Variants in MAP3K8 observed in about 807,000 individuals in gnomAD.
MAP3K8 encodes the protein Ewing sarcoma transformant.
MAP3K8 carries 22 observed loss-of-function variants against 45.8 expected under a neutral mutation model. The ratio of observed to expected loss-of-function variants is 0.48; its 90% CI spans 0.34 to 0.69. The LOEUF is 0.69. MAP3K8 is among the 30% of genes least tolerant of loss of function. The pLI, the probability that MAP3K8 is intolerant of heterozygous loss-of-function variation, is 0.01. For missense variants in MAP3K8, 419 were observed against 585.0 expected, an observed-to-expected ratio of 0.72 and a Z score of 2.93; for synonymous variants, 223 against 214.3, an observed-to-expected ratio of 1.04 and a Z score of -0.36.
intron 3 of MAP3K8, among the ~76,000 whole-genome samples, chr10:30,443,185 T>C (rs1326293837): frequency 1.3e-5 from 2 of 150,548 alleles, no homozygotes; most frequent in Non-Finnish European, 2.9e-5. Flanking sequence ...AGCTCTGAAA[T>C]GGATTGGCTG....
intron 3 of MAP3K8, among the ~76,000 whole-genome samples, chr10:30,439,808 CAACAACAACAA>C (rs1836039654): frequency 6.6e-6 from 1 of 152,130 alleles, no homozygotes; most frequent in African/African-American, 2.4e-5. Context: ...GACTCTGTCT[CAACAACAACAA>C]AGAAGAATGT....
intron 1 of MAP3K8, among the ~76,000 whole-genome samples, chr10:30,434,999 G>T (rs1425705600): frequency 6.6e-6 from 1 of 151,828 alleles, no homozygotes; most frequent in African/African-American, 2.4e-5. Flanking sequence ...AGAATACTAG[G>T]AGAAAAAAAA....
chr10:30,449,482 C>T (rs8177005), intron 4 of MAP3K8, among the ~76,000 whole-genome samples: 111 of 152,110 alleles, frequency 7.3e-4, no homozygotes, highest in African/African-American at 2.7e-3. Flanking sequence ...TTGAGTTGGA[C>T]CCATCATTTT....
At chr10:30,448,004 G>T in intron 4 of MAP3K8, 55 bp downstream of exon 4, 1 of 1,514,848 alleles carries the variant, frequency 6.6e-7, no homozygotes, top group South Asian at 1.3e-5. Flanking sequence ...TCTGGCTTTT[G>T]TTTTTTTGTC....
intron 6 of MAP3K8, among the ~76,000 whole-genome samples, chr10:30,453,316 T>G (rs2132820544): frequency 6.6e-6 from 1 of 152,268 alleles, no homozygotes; most frequent in South Asian, 2.1e-4. Context: ...GTCTTAACTA[T>G]GGTCATTAAT....
In MAP3K8 at chr10:30,434,352, GC is replaced by G; in HGVS notation, c.-279del. On this transcript the variant is annotated 5_prime_UTR_variant, in exon 1 of 9. Coordinates refer to ENST00000263056, the MANE Select transcript of MAP3K8 (RefSeq NM_005204.4). ...CGGGGGGCCGCGGCTGGAGCGCTCGGCCGGCGTGGGAGCGCCAAGGCCGCAG... is the reference window on the plus strand; with the variant it reads ...CGGGGGGCCGCGGCTGGAGCGCTCGGCGGCGTGGGAGCGCCAAGGCCGCAG... The G allele has an allele frequency of 1.4e-6, 1 of 716,312 alleles. No individual in the cohort carries two copies. Among genetic ancestry groups the G allele is most frequent in the Non-Finnish European group, 1.7e-6 (1 of 583,912 alleles). The allele number at this position is 716,312 out of a possible 1,614,324, so 44.4% of individuals were successfully genotyped here.
In MAP3K8 at chr10:30,434,345, G is replaced by C; in HGVS notation, c.-288G>C. 2 of 630,406 alleles carry C rather than the reference G, an allele frequency of 3.2e-6. No individual in the cohort carries two copies. The highest frequency in any genetic ancestry group is 4.0e-6 in the Non-Finnish European group (2 of 505,274). 39.1% of individuals were successfully genotyped at this position (630,406 alleles called of 1,614,324 possible). ...GAACCTTCGGGGGGCCGCGGCTGGA[G>C]CGCTCGGCCGGCGTGGGAGCGCCAA... is the stretch of plus-strand genomic sequence containing the variant. On this transcript the variant is annotated 5_prime_UTR_variant, in exon 1 of 9. Transcript: ENST00000263056.
At chr10:30,458,284 G>A in intron 7 of MAP3K8, 48 bp downstream of exon 7, 1 of 1,309,240 alleles carries the variant, frequency 7.6e-7, no homozygotes, top group East Asian at 2.8e-5. Context: ...GGGGCGTTGA[G>A]TTATGCATCC....
At chr10:30,441,663 T>TG (rs936854850) in intron 3 of MAP3K8, among the ~76,000 whole-genome samples, 23 of 152,176 alleles carry the variant, frequency 1.5e-4, no homozygotes, top group African/African-American at 5.6e-4. Context: ...TCGATGGCTC[T>TG]GGGGGGCTGC....
chr10:30,449,938 T>C (rs1031492747), intron 4 of MAP3K8, among the ~76,000 whole-genome samples: 17 of 152,256 alleles, frequency 1.1e-4, no homozygotes, highest in African/African-American at 4.1e-4. Context: ...TACTGTTGTC[T>C]AATAGGTGGG....
In MAP3K8 at chr10:30,461,397, A is replaced by G. The variant is rs533610434; in HGVS notation, c.*561A>G. 113 of 204,946 alleles carry G rather than the reference A, an allele frequency of 5.5e-4. No individual in the cohort carries two copies. Among genetic ancestry groups the G allele is most frequent in the Middle Eastern group, 1.6e-3 (1 of 630 alleles). 12.7% of individuals were successfully genotyped at this position (204,946 alleles called of 1,614,324 possible). On this transcript the variant is annotated 3_prime_UTR_variant, in exon 9 of 9. Coordinates refer to ENST00000263056, the MANE Select transcript of MAP3K8 (RefSeq NM_005204.4). ...ATGGCTAACTGATGAATTAGAAGCC[A>G]TCTGACAGCAGGCCACTAGTGACAG... is the stretch of plus-strand genomic sequence containing the variant.
chr10:30,435,639 A>C (rs757168924), intron 1 of MAP3K8, among the ~76,000 whole-genome samples: 1 of 151,928 alleles, frequency 6.6e-6, no homozygotes, highest in African/African-American at 2.4e-5. Flanking sequence ...TGCAACCTCC[A>C]CCTCCCGGGT....
chr10:30,439,352 T>C, intron 3 of MAP3K8, 78 bp downstream of exon 3: 2 of 1,570,640 alleles, frequency 1.3e-6, no homozygotes, highest in Non-Finnish European at 1.7e-6. Context: ...GAGTGGTGTT[T>C]GAATTTGGCT....
In MAP3K8 at chr10:30,447,788, A is replaced by G. The variant is rs368515552; in HGVS notation, c.343A>G (p.Thr115Ala). Reference protein sequence around the residue: ...ESGILLNMVITPQNGRYQIDS... With the variant: ...ESGILLNMVIAPQNGRYQIDS... ...CATTTTTATTTTGTTGTAGGTCATC[A>G]CTCCCCAAAATGGACGTTACCAAAT... The change falls in exon 4 of 9, where the codon ACT becomes GCT. Residue 115 changes from threonine (T) to alanine (A), a missense_variant. Coordinates refer to ENST00000263056, the MANE Select transcript of MAP3K8 (RefSeq NM_005204.4). 9 of 1,612,932 alleles carry G rather than the reference A, an allele frequency of 5.6e-6. No homozygotes were observed. Among genetic ancestry groups the G allele is most frequent in the African/African-American group, 2.7e-5 (2 of 74,780 alleles).
At chr10:30,444,833 G>T (rs1836257479) in intron 3 of MAP3K8, among the ~76,000 whole-genome samples, 1 of 152,112 alleles carries the variant, frequency 6.6e-6, no homozygotes, top group Non-Finnish European at 1.5e-5. Context: ...AATATACAAG[G>T]CTCTTACCCA....
At chr10:30,439,428 G>T in intron 3 of MAP3K8, 154 bp downstream of exon 3, 2 of 1,323,670 alleles carry the variant, frequency 1.5e-6, no homozygotes, top group Admixed American at 3.1e-5. Flanking sequence ...CCATGTTAAA[G>T]ATGCAAAAAA....
chr10:30,446,987 G>A (rs1341268624), intron 3 of MAP3K8, among the ~76,000 whole-genome samples: 1 of 152,120 alleles, frequency 6.6e-6, no homozygotes, highest in Non-Finnish European at 1.5e-5. Context: ...CTGGCCTCAA[G>A]ATATCCTCCT....
At chr10:30,446,549 AAAG>A (rs1218643293) in intron 3 of MAP3K8, among the ~76,000 whole-genome samples, 34 of 151,280 alleles carry the variant, frequency 2.2e-4, no homozygotes, top group East Asian at 7.7e-4. Context: ...AAAAAAAAAA[AAAG>A]AAGAAGAAGA....
chr10:30,436,703 A>C (rs1835921121), intron 1 of MAP3K8, among the ~76,000 whole-genome samples: 1 of 151,940 alleles, frequency 6.6e-6, no homozygotes, highest in Admixed American at 6.6e-5. Context: ...TACTATAAAA[A>C]AAAAAAAAAT....
Sources: gnomAD v4.1 joint callset for allele counts (sites outside exome capture counted in the v4.1 genomes callset) on GRCh38, gnomAD v4.1.1 for gene constraint, MANE v1.5 for transcripts, NCBI Gene and HGNC (gene_info 2026-07-23, HGNC 2026-07-21) for gene names.